The following PLCD3 variants were observed in gnomAD, a reference collection of about 807,000 sequenced individuals.
PLCD3 encodes 1-phosphatidylinositol 4,5-bisphosphate phosphodiesterase delta-3.
In PLCD3, 62 loss-of-function variants were observed where a neutral mutation model predicts 82.8. The ratio of observed to expected loss-of-function variants is 0.75; its 90% CI spans 0.61 to 0.93. The LOEUF (loss-of-function observed/expected upper bound fraction) is 0.93. Ranked by LOEUF, PLCD3 falls within the 40% of genes least tolerant of loss-of-function variation. The pLI is 0.00. For synonymous variants in PLCD3, 478 were observed against 471.8 expected (o/e 1.01, Z -0.17); for missense variants, 1,023 against 1,103.4 (o/e 0.93, Z 1.03).
At position 45,115,220 on chromosome 17, in the gene PLCD3, A is replaced by T; in HGVS notation, c.1585T>A (p.Ser529Thr). Reference protein sequence around the residue: ...RLAKQISPELSALAVYCHATR... With the variant: ...RLAKQISPELTALAVYCHATR... ...GCGTGGCAGTACACAGCCAGGGCCG[A>T]CAGCTCCGGGGAGATCTGCTTGGCC... The change falls in exon 10 of 15, where the codon TCG becomes ACG. Residue 529 changes from serine (S) to threonine (T), a missense_variant. Around this residue, in one of 3 missense-constraint regions of PLCD3, gnomAD observed 553 missense variants for 655.7 expected, o/e 0.84. Transcript: ENST00000619929. The T allele has an allele frequency of 1.3e-6, 2 of 1,573,546 alleles. No individual in the cohort carries two copies. Among genetic ancestry groups the T allele is most frequent in the Non-Finnish European group, 1.7e-6 (2 of 1,158,354 alleles).
chr17:45,120,354 T>A lies in PLCD3; in HGVS notation c.655A>T (p.Asn219Tyr). 1 of 1,614,024 alleles carries A rather than the reference T, an allele frequency of 6.2e-7. No individual in the cohort carries two copies. Among genetic ancestry groups the A allele is most frequent in the Non-Finnish European group, 8.5e-7 (1 of 1,179,878 alleles). The stretch of plus-strand genomic sequence containing the variant: ...AAGAGGAGGTAGGCGTACATGTCGT[T>A]CATGTCCACGTTGACCATTCTCAGC... ...SLLRMVNVDMNDMYAYLLFKE... is the reference protein window; with the variant it reads ...SLLRMVNVDMYDMYAYLLFKE... The change falls in exon 4 of 15, where the codon AAC becomes TAC. Residue 219 changes from asparagine (N) to tyrosine (Y), a missense_variant. By Grantham distance (143) the Asn-to-Tyr change is moderately radical (BLOSUM62 -2). This residue lies in a region of PLCD3 where 448 missense variants were observed against 406.3 expected (regional missense o/e 1.10). Transcript: ENST00000619929.
chr17:45,111,773 C>T lies in PLCD3; in HGVS notation c.*843G>A, dbSNP rs1232993163. On this transcript the variant is annotated 3_prime_UTR_variant, in exon 15 of 15. Transcript: ENST00000619929. The stretch of plus-strand genomic sequence containing the variant: ...CAGGCAGTGGCTCACACCTGTAATC[C>T]CAGCACTTTGGAATGCTGGGGCAGG... 2 of 152,458 alleles carry T rather than the reference C, an allele frequency of 1.3e-5. No homozygotes were observed. The highest frequency in any genetic ancestry group is 2.4e-5 in the African/African-American group (1 of 41,446). 9.4% of individuals were successfully genotyped at this position (152,458 alleles called of 1,614,324 possible).
At position 45,112,542 on chromosome 17, in the gene PLCD3, TC is replaced by T. The variant is rs1227595500; in HGVS notation, c.*73del. ...GGGGCTGGTACTCCCACCACCTGAC[TC>T]CAGAGGAGGAGAGGGCTCTGCAGGG... On this transcript the variant is annotated 3_prime_UTR_variant, in exon 15 of 15. Coordinates refer to ENST00000619929, the MANE Select transcript of PLCD3 (RefSeq NM_133373.5). 16 of 1,456,884 alleles carry T rather than the reference TC, an allele frequency of 1.1e-5. No homozygotes were observed. The highest frequency in any genetic ancestry group is 1.3e-5 in the Non-Finnish European group (14 of 1,063,372). 90.2% of individuals were successfully genotyped at this position (1,456,884 alleles called of 1,614,324 possible). A position where few individuals can be genotyped will look rare whatever the true frequency, so the allele number is the denominator to read the frequency against.
chr17:45,116,717 G>A lies in PLCD3; in HGVS notation c.1328C>T (p.Ala443Val), dbSNP rs1354120628. 6 of 1,610,686 alleles carry A rather than the reference G, an allele frequency of 3.7e-6. No homozygotes were observed. The South Asian group carries it at 6.6e-5, about 18-fold the overall frequency. ...HCGLEQQAAM[A>V]RHLCTILGDM... ...CCCCAGGATGGTGCAGAGGTGGCGG[G>A]CCATGGCAGCCTGCTGCTCCAGCCC... The change falls in exon 8 of 15, where the codon GCC becomes GTC. Residue 443 changes from alanine (A) to valine (V), a missense_variant. By Grantham distance (64) the Ala-to-Val change is moderately conservative. Transcript: ENST00000619929.
rs773700242 is a variant in PLCD3 at position 45,113,112 on chromosome 17, G to A, written c.2131+10C>T. 3.1e-6 allele frequency: 5 copies of A among 1,613,158 alleles called. No homozygotes were observed. The South Asian group carries it at 4.4e-5, about 14-fold the overall frequency. ...CTCCCCCAACCCCACTTCCGCCAGT[G>A]GCTGCCCACCATTGTTGAGCACGTA... is the stretch of plus-strand genomic sequence containing the variant. On this transcript the variant is annotated intron_variant, in intron 13 of 14. Transcript: ENST00000619929.
intron 1 of PLCD3, among the ~76,000 whole-genome samples, chr17:45,130,284 C>T (rs1277192287): frequency 6.6e-6 from 1 of 152,094 alleles, no homozygotes; most frequent in Non-Finnish European, 1.5e-5. Flanking sequence ...TGATGAGTAC[C>T]GAGGCCCGGG....
At chr17:45,120,207 C>A (rs1330643082) in intron 4 of PLCD3, 118 bp downstream of exon 4, 30 of 1,384,018 alleles carry the variant, frequency 2.2e-5, no homozygotes, top group Non-Finnish European at 2.7e-5. Flanking sequence ...AAAGGCTGCT[C>A]GCTCCAAAAA....
chr17:45,115,257 G>A lies in PLCD3; in HGVS notation c.1561-13C>T, dbSNP rs1296770666. 11 of 1,546,880 alleles carry A rather than the reference G, an allele frequency of 7.1e-6. 1 individual carries two copies. The Middle Eastern group carries it at 1.0e-3, about 142-fold the overall frequency. ...AGATCTGCTTGGCCTAGGAGACCAGGCTCAGCGGGGTTCAGCTGGCCCCCG... is the reference window on the plus strand; with the variant it reads ...AGATCTGCTTGGCCTAGGAGACCAGACTCAGCGGGGTTCAGCTGGCCCCCG... On this transcript the variant is annotated splice_polypyrimidine_tract_variant and intron_variant, in intron 9 of 14. Coordinates refer to ENST00000619929, the MANE Select transcript of PLCD3 (RefSeq NM_133373.5).
chr17:45,119,007 C>G lies in PLCD3; in HGVS notation c.721G>C (p.Ala241Pro), dbSNP rs1461192528. Reference sequence around the variant, plus strand: ...CGCCGCAGGAACTCCTCGATCTCAGCCCCCTCTAGACGGTCGTTGTTGGAG... The same window carrying G: ...CGCCGCAGGAACTCCTCGATCTCAGGCCCCTCTAGACGGTCGTTGTTGGAG... ...DHSNNDRLEG[A>P]EIEEFLRRLL... Residue 241 changes from alanine to proline, a missense_variant, in exon 5 of 15, where the codon GCT becomes CCT. Physicochemically the swap from Ala to Pro is conservative, Grantham distance 27 (BLOSUM62 -1). Transcript: ENST00000619929. 4 of 1,611,802 alleles carry G rather than the reference C, an allele frequency of 2.5e-6. No individual in the cohort carries two copies. In the African/African-American group the frequency reaches 5.3e-5, roughly 22 times the overall value.
chr17:45,115,835 A>G (rs987271660), intron 8 of PLCD3, among the ~76,000 whole-genome samples: 2 of 152,238 alleles, frequency 1.3e-5, no homozygotes, highest in Non-Finnish European at 2.9e-5. Flanking sequence ...TTTTGGTACC[A>G]TTTAAAAGAG....
intron 1 of PLCD3, among the ~76,000 whole-genome samples, chr17:45,127,044 G>A (rs2054387031): frequency 6.6e-6 from 1 of 152,270 alleles, no homozygotes; most frequent in African/African-American, 2.4e-5. Context: ...TGTGGTGGAA[G>A]TTGGGGGAGT....
chr17:45,126,430 T>C (rs2054382411), intron 1 of PLCD3, among the ~76,000 whole-genome samples: 1 of 139,888 alleles, frequency 7.1e-6, no homozygotes, highest in Non-Finnish European at 1.5e-5. Flanking sequence ...CTCAGCTCAC[T>C]GCAACCCCCA....
chr17:45,110,093 A>C lies in PLCD3; in HGVS notation c.*2523T>G, dbSNP rs146253165. 255 of 152,114 alleles carry C rather than the reference A, an allele frequency of 1.7e-3. No individual in the cohort carries two copies. The highest frequency in any genetic ancestry group is 2.9e-3 in the Non-Finnish European group (195 of 68,192). The allele number at this position is 152,114 out of a possible 1,614,324, so 9.4% of individuals were successfully genotyped here. On this transcript the variant is annotated 3_prime_UTR_variant, in exon 15 of 15. Coordinates refer to ENST00000619929, the MANE Select transcript of PLCD3 (RefSeq NM_133373.5). ...ACTCCATCTCAAAAAAACAAACAAA[A>C]AAAAAACCCTGTGATTTCTCCCTTG... is the stretch of plus-strand genomic sequence containing the variant.
chr17:45,120,975 G>A lies in PLCD3; in HGVS notation c.481C>T (p.Gln161Ter), dbSNP rs1346740831. Residue 161 changes from glutamine to a stop codon, truncating the protein, a stop_gained, in exon 3 of 15, where the codon CAG becomes TAG. Transcript: ENST00000619929. LOFTEE classifies it high-confidence loss of function. ...TTGGTCAGACCGCGCACCCAGCGCT[G>A]CGCTTCCTCAGCCGTGGGCGCCGCC... ...DLAAPTAEEA[Q>*]RWVRGLTKLR... is the part of the protein sequence containing the mutation. The A allele has an allele frequency of 2.0e-6, 3 of 1,527,908 alleles. No homozygotes were observed. Among genetic ancestry groups the A allele is most frequent in the Non-Finnish European group, 2.6e-6 (3 of 1,144,498 alleles). The allele number at this position is 1,527,908 out of a possible 1,614,324, so 94.6% of individuals were successfully genotyped here.
rs2054337532 is a variant in PLCD3 at position 45,121,272 on chromosome 17, C to T, written c.264G>A (p.Gln88=). The change falls in exon 2 of 15, where the codon CAG becomes CAA. Residue 88 remains glutamine (Q), a synonymous_variant. Transcript: ENST00000619929. ...TWHKERLYRL[Q]EDGLSVWFQR... ...GGAACCACACGCTCAGGCCGTCCTC[C>T]TGCAGCCGGTACAGCCGCTCCTTGT... The T allele has an allele frequency of 6.3e-7, 1 of 1,590,266 alleles. No individual in the cohort carries two copies. Among genetic ancestry groups the T allele is most frequent in the Admixed American group, 1.7e-5 (1 of 59,014 alleles).
At chr17:45,123,931 C>T (rs994694748) in intron 1 of PLCD3, among the ~76,000 whole-genome samples, 4 of 147,964 alleles carry the variant, frequency 2.7e-5, no homozygotes, top group Non-Finnish European at 4.4e-5. Flanking sequence ...GTACACGGCA[C>T]GTGCCAGGCC....
At position 45,118,320 on chromosome 17, in the gene PLCD3, C is replaced by T. The variant is rs1386376676; in HGVS notation, c.1086G>A (p.Gly362=). Reference sequence around the variant, plus strand: ...CATAGGCCTCGGTGCTGCTGGGCCCCCCGATCTGGGAGTCAGTCAGATAGG... The same window carrying T: ...CATAGGCCTCGGTGCTGCTGGGCCCTCCGATCTGGGAGTCAGTCAGATAGG... ...HNTYLTDSQI[G]GPSSTEAYVR... The change falls in exon 6 of 15, where the codon GGG becomes GGA. Residue 362 remains glycine, a synonymous_variant. Transcript: ENST00000619929. The surrounding 1 kb of genome is among the most constrained non-coding windows in gnomAD (Gnocchi z 4.1). 3 of 1,613,998 alleles carry T rather than the reference C, an allele frequency of 1.9e-6. No individual in the cohort carries two copies. The Admixed American group carries it at 5.0e-5, about 27-fold the overall frequency.
chr17:45,115,009 CA>C (rs1189355206), intron 10 of PLCD3, 84 bp downstream of exon 10: 55 of 1,506,694 alleles, frequency 3.7e-5, no homozygotes, highest in Non-Finnish European at 4.5e-5. Flanking sequence ...TACTGTCCCC[CA>C]AAGCCCCCTC....
Position 45,114,253 on chromosome 17 carries a change from G to T in PLCD3, c.1825C>A (p.Leu609Met), listed in dbSNP as rs1158694659. The change falls in exon 11 of 15, where the codon CTG (leucine) becomes ATG (methionine). Residue 609 changes from leucine (L) to methionine (M), a missense_variant. Physicochemically the swap from Leu to Met is conservative, Grantham distance 15. This residue lies in a region of PLCD3 where 553 missense variants were observed against 655.7 expected (regional missense o/e 0.84). Coordinates refer to ENST00000619929, the MANE Select transcript of PLCD3 (RefSeq NM_133373.5). ...PQEMWNSGCQLVALNFQTPGY... is the reference protein window; with the variant it reads ...PQEMWNSGCQMVALNFQTPGY... ...CATTCCTGTGGCCCCCACTTACCCA[G>T]CTGACAGCCCGAGTTCCACATCTCC... 1 of 1,533,116 alleles carries T rather than the reference G, an allele frequency of 6.5e-7. No homozygotes were observed. The highest frequency in any genetic ancestry group is 8.8e-7 in the Non-Finnish European group (1 of 1,137,946). The allele number at this position is 1,533,116 out of a possible 1,614,324, so 95.0% of individuals were successfully genotyped here. A position where few individuals can be genotyped will look rare whatever the true frequency, so the allele number is the denominator to read the frequency against.
Sources: gnomAD v4.1 joint callset for allele counts (sites outside exome capture counted in the v4.1 genomes callset) on GRCh38, gnomAD v4.1.1 for gene constraint, gnomAD v4.1.1 regional missense constraint, Gnocchi (gnomAD v3.1) non-coding constraint, MANE v1.5 for transcripts, NCBI Gene and HGNC (gene_info 2026-07-23, HGNC 2026-07-21) for gene names.